Variants in THSD1 observed in about 807,000 individuals in gnomAD.
THSD1 encodes thrombospondin type-1 domain-containing protein 1.
Under a neutral mutation model 46.3 loss-of-function variants are expected in THSD1, and 34 were observed. The observed-to-expected ratio is 0.74, with a 90% confidence interval of 0.56 to 0.98. The LOEUF (loss-of-function observed/expected upper bound fraction) is 0.98, where lower values mean the gene tolerates loss of function less well. THSD1 is among the 50% of genes least tolerant of loss of function. The pLI is 0.00. For synonymous variants in THSD1, 407 were observed against 416.5 expected (o/e 0.98, Z 0.28); for missense variants, 1,023 against 1,058.3 (o/e 0.97, Z 0.46).
intron 4 of THSD1, among the ~76,000 whole-genome samples, chr13:52,383,740 A>G (rs1319579586): frequency 6.6e-6 from 1 of 152,252 alleles, no homozygotes; most frequent in Non-Finnish European, 1.5e-5. Context: ...TTTCCAAAGA[A>G]TGGAAAATAG....
chr13:52,392,445 T>C (rs1203400928), intron 3 of THSD1, among the ~76,000 whole-genome samples: 27 of 152,286 alleles, frequency 1.8e-4, no homozygotes, highest in Non-Finnish European at 5.9e-5. Context: ...TGGGAACTCA[T>C]TAGATAACTG....
In THSD1 at chr13:52,392,554, C is replaced by T. The variant is rs1957781543; in HGVS notation, c.1021+4678G>A. Among the ~76,000 whole-genome samples, 10 of 152,224 alleles carry T rather than the reference C, an allele frequency of 6.6e-5. No individual in the cohort carries two copies. In the South Asian group the frequency reaches 2.1e-3, roughly 31 times the overall value. ...TTTTGTTTTGTCTTGTTTAGACATC[C>T]ATACATGTGCTCACACTACATAACA... On this transcript the variant is annotated intron_variant, in intron 3 of 4. Coordinates refer to ENST00000258613, the MANE Select transcript of THSD1 (RefSeq NM_018676.4).
Position 52,397,294 on chromosome 13 carries a change from C to T in THSD1, c.959G>A (p.Gly320Asp). Residue 320 changes from glycine to aspartate, a missense_variant, in exon 3 of 5, where the codon GGC becomes GAC. Physicochemically the swap from Gly to Asp is moderately conservative, Grantham distance 94. Transcript: ENST00000258613. ...MGKNKYCFDF[G>D]ISSRSHFSAK... ...AGAAAAATGGCTTCTGCTTGAAATG[C>T]CAAAGTCAAAGCAGTACTTATTCTT... 6.2e-7 allele frequency: 1 copy of T among 1,612,940 alleles called. No homozygotes were observed. Among genetic ancestry groups the T allele is most frequent in the South Asian group, 1.1e-5 (1 of 90,752 alleles).
At chr13:52,380,914 A>G (rs1214151325) in intron 4 of THSD1, among the ~76,000 whole-genome samples, 2 of 151,972 alleles carry the variant, frequency 1.3e-5, no homozygotes, top group African/African-American at 4.8e-5. Flanking sequence ...CCTGCTAGCC[A>G]TCAGTCACTC....
intron 3 of THSD1, among the ~76,000 whole-genome samples, chr13:52,387,086 TAAC>T (rs1443975436): frequency 6.6e-6 from 1 of 151,990 alleles, no homozygotes; most frequent in Non-Finnish European, 1.5e-5. Context: ...AAATATCAAA[TAAC>T]AACAGTCTAC....
chr13:52,389,117 T>A (rs1280493026), intron 3 of THSD1, among the ~76,000 whole-genome samples: 1 of 151,896 alleles, frequency 6.6e-6, no homozygotes, highest in Non-Finnish European at 1.5e-5. Context: ...TGTATCACGA[T>A]GCCCAGCTAA....
At chr13:52,405,643 G>T (rs1594106714) in intron 1 of THSD1, among the ~76,000 whole-genome samples, 1 of 152,326 alleles carries the variant, frequency 6.6e-6, no homozygotes, top group East Asian at 1.9e-4. Context: ...TCAGCTTAAA[G>T]CCCTCCTTAA....
At chr13:52,396,697 T>C (rs1957814913) in intron 3 of THSD1, among the ~76,000 whole-genome samples, 1 of 152,148 alleles carries the variant, frequency 6.6e-6, no homozygotes, top group Admixed American at 6.6e-5. Flanking sequence ...AGGTGGGGCA[T>C]TACATAAAGA....
chr13:52,387,116 T>C (rs554516479), intron 3 of THSD1, among the ~76,000 whole-genome samples: 43 of 152,284 alleles, frequency 2.8e-4, no homozygotes, highest in African/African-American at 9.9e-4. Flanking sequence ...GGAAGAGGCA[T>C]AGCAAAAGAT....
chr13:52,405,106 T>C (rs1957897027), intron 1 of THSD1, among the ~76,000 whole-genome samples: 1 of 152,252 alleles, frequency 6.6e-6, no homozygotes, highest in Admixed American at 6.5e-5. Context: ...AACTTAGATA[T>C]ATTTTATACA....
Position 52,377,927 on chromosome 13 carries a change from G to A in THSD1, c.2043C>T (p.Tyr681=), listed in dbSNP as rs781562703. The A allele has an allele frequency of 1.1e-5, 18 of 1,614,164 alleles. No homozygotes were observed. Among genetic ancestry groups the A allele is most frequent in the Non-Finnish European group, 1.4e-5 (17 of 1,180,034 alleles). ...STLTPRQAPA[Y]SSRTRTCEQA... ...GCTCGCAGGTCCGCGTCCTAGAGCT[G>A]TAGGCAGGGGCCTGCCGTGGAGTCA... The change falls in exon 5 of 5, where the codon TAC becomes TAT. Residue 681 remains tyrosine (Y), a synonymous_variant. Transcript: ENST00000258613.
chr13:52,402,106 C>T (rs970999325), intron 2 of THSD1, among the ~76,000 whole-genome samples: 3 of 152,112 alleles, frequency 2.0e-5, no homozygotes, highest in Non-Finnish European at 2.9e-5. Context: ...TCTAAGAGCA[C>T]GCAACTTTCA....
At chr13:52,385,499 T>A (rs1169090031) in intron 4 of THSD1, among the ~76,000 whole-genome samples, 1 of 152,180 alleles carries the variant, frequency 6.6e-6, no homozygotes, top group Non-Finnish European at 1.5e-5. Flanking sequence ...AGTCTTCGGA[T>A]GACAGCATGA....
At chr13:52,381,565 C>T (rs1240182432) in intron 4 of THSD1, among the ~76,000 whole-genome samples, 1 of 152,196 alleles carries the variant, frequency 6.6e-6, no homozygotes, top group African/African-American at 2.4e-5. Flanking sequence ...CCTCCTCTGC[C>T]CCATAAACTT....
chr13:52,377,984 G>A lies in THSD1; in HGVS notation c.1986C>T (p.Ala662=). 6.2e-7 allele frequency: 1 copy of A among 1,614,118 alleles called. No homozygotes were observed. Among genetic ancestry groups the A allele is most frequent in the African/African-American group, 1.3e-5 (1 of 75,040 alleles). The change falls in exon 5 of 5, where the codon GCC becomes GCT. Residue 662 remains alanine, a synonymous_variant. Coordinates refer to ENST00000258613, the MANE Select transcript of THSD1 (RefSeq NM_018676.4). The stretch of plus-strand genomic sequence containing the variant: ...ACATGCTCCTCTCTCGGAACGGCCG[G>A]GCCTGCCTGGCTTCATGGAAACTCG... The part of the protein sequence containing the change: ...RTASFHEARQ[A]RPFRERSMST...
intron 4 of THSD1, among the ~76,000 whole-genome samples, chr13:52,379,946 G>T (rs1004021340): frequency 1.3e-5 from 2 of 152,124 alleles, no homozygotes; most frequent in African/African-American, 4.8e-5. Context: ...ATTAACTGAC[G>T]AAAGTAAGAC....
intron 1 of THSD1, chr13:52,402,968 G>A (rs1478536851): frequency 3.0e-6 from 3 of 984,922 alleles, no homozygotes; most frequent in African/African-American, 1.7e-5. Context: ...GACGTGGAGA[G>A]TTTATTGTTA....
Position 52,398,344 on chromosome 13 carries a change from C to T in THSD1, c.59-150G>A, listed in dbSNP as rs1034311601. The T allele has an allele frequency of 2.0e-5, 26 of 1,287,230 alleles. No individual in the cohort carries two copies. In the South Asian group the frequency reaches 2.1e-4, roughly 10 times the overall value. 79.7% of individuals were successfully genotyped at this position (1,287,230 alleles called of 1,614,324 possible). The stretch of plus-strand genomic sequence containing the variant: ...AGAGTGCAGTGGCGCAATCACTGCT[C>T]GCTGTACCCCTAACATCTTGGGCTC... On this transcript the variant is annotated intron_variant, in intron 2 of 4. Coordinates refer to ENST00000258613, the MANE Select transcript of THSD1 (RefSeq NM_018676.4).
At chr13:52,383,329 A>T (rs1566962152) in intron 4 of THSD1, among the ~76,000 whole-genome samples, 1 of 152,274 alleles carries the variant, frequency 6.6e-6, no homozygotes, top group African/African-American at 2.4e-5. Flanking sequence ...TCAGTGCAAC[A>T]GCAATTTAAT....
Sources: allele counts gnomAD v4.1 joint callset (sites outside exome capture counted in the v4.1 genomes callset), GRCh38; gene constraint gnomAD v4.1.1; transcripts MANE v1.5; gene names NCBI Gene and HGNC (gene_info 2026-07-23, HGNC 2026-07-21).